The following HS1BP3 variants were observed in gnomAD, a reference collection of about 807,000 sequenced individuals.
The protein encoded by HS1BP3 is HCLS1 binding protein 3.
In HS1BP3, 32 loss-of-function variants were observed where a neutral mutation model predicts 33.5. That is an observed-to-expected ratio of 0.95 (90% CI 0.72 to 1.28). HS1BP3 has a LOEUF of 1.28. HS1BP3 is among the 50% of genes most tolerant of loss of function. The pLI, the probability that HS1BP3 is intolerant of heterozygous loss-of-function variation, is 0.00. For missense variants in HS1BP3, 486 were observed against 502.3 expected, an observed-to-expected ratio of 0.97 and a Z score of 0.31; for synonymous variants, 187 against 209.2, an observed-to-expected ratio of 0.89 and a Z score of 0.92.
At chr2:20,581,303 T>C (rs1268510118) in intron 5 of HS1BP3, among the ~76,000 whole-genome samples, 3 of 152,236 alleles carry the variant, frequency 2.0e-5, no homozygotes, top group Non-Finnish European at 4.4e-5. Context: ...ACATTAAAAA[T>C]TACCACAAAC....
intron 3 of HS1BP3, among the ~76,000 whole-genome samples, chr2:20,597,031 CTAATCCCTCCTTAAAA>C (rs2149281286): frequency 6.6e-6 from 1 of 152,358 alleles, no homozygotes; most frequent in Admixed American, 6.5e-5. Context: ...GGAGTCATCT[CTAATCCCTCCTTAAAA>C]GGGAGGCCCA....
In HS1BP3 at chr2:20,633,818, C is replaced by T. The variant is rs370128804; in HGVS notation, c.623+4618G>A. On this transcript the variant is annotated intron_variant, in intron 4 of 6. Transcript: ENST00000304031. ...GATTACAGGCGTGAGCTGCTGCGTCCGGCCACGGCAGTAATCTGGATGGGG... is the reference window on the plus strand; with the variant it reads ...GATTACAGGCGTGAGCTGCTGCGTCTGGCCACGGCAGTAATCTGGATGGGG... Among the ~76,000 whole-genome samples, 71 of 152,364 alleles carry T rather than the reference C, an allele frequency of 4.7e-4. No homozygotes were observed. The South Asian group carries it at 0.013, about 28-fold the overall frequency.
chr2:20,601,211 G>C (rs1038402394), intron 2 of HS1BP3, among the ~76,000 whole-genome samples: 4 of 152,208 alleles, frequency 2.6e-5, no homozygotes, highest in Non-Finnish European at 4.4e-5. Flanking sequence ...AGAAGAGTTT[G>C]TATCTGCACT....
downstream of HS1BP3, among the ~76,000 whole-genome samples, chr2:20,613,184 A>T (rs1377391366): frequency 1.3e-5 from 2 of 152,338 alleles, no homozygotes; most frequent in East Asian, 3.9e-4. Flanking sequence ...GTTAGGGGAA[A>T]ATCAGCAAAG....
At chr2:20,600,442 A>G (rs1003251476) in intron 2 of HS1BP3, among the ~76,000 whole-genome samples, 3 of 152,192 alleles carry the variant, frequency 2.0e-5, no homozygotes, top group African/African-American at 7.2e-5. Context: ...AGTCACAGAG[A>G]ACCCAGCAAA....
chr2:20,561,640 T>A (rs1693000263), intron 5 of HS1BP3, among the ~76,000 whole-genome samples: 1 of 152,212 alleles, frequency 6.6e-6, no homozygotes, highest in Non-Finnish European at 1.5e-5. Context: ...CATTTTATTG[T>A]GGCCAAATGG....
chr2:20,618,745 G>A lies in HS1BP3; in HGVS notation c.*242C>T. 1 of 1,339,142 alleles carries A rather than the reference G, an allele frequency of 7.5e-7. No homozygotes were observed. The highest frequency in any genetic ancestry group is 9.5e-7 in the Non-Finnish European group (1 of 1,047,890). The allele number at this position is 1,339,142 out of a possible 1,614,324, so 83.0% of individuals were successfully genotyped here. A position where few individuals can be genotyped will look rare whatever the true frequency, so the allele number is the denominator to read the frequency against. ...CCTCCCTCCCCTTCATGTCCACGGG[G>A]AATAAGACACATTGGGCTCTGGCTC... On this transcript the variant is annotated 3_prime_UTR_variant, in exon 7 of 7. Coordinates refer to ENST00000304031, the MANE Select transcript of HS1BP3 (RefSeq NM_022460.4).
At chr2:20,595,975 C>T (rs1306987499) in intron 3 of HS1BP3, among the ~76,000 whole-genome samples, 1 of 152,188 alleles carries the variant, frequency 6.6e-6, no homozygotes, top group Admixed American at 6.5e-5. Context: ...GACCTTAGTT[C>T]AAAGGTGATC....
downstream of HS1BP3, among the ~76,000 whole-genome samples, chr2:20,558,377 G>C (rs1692892151): frequency 1.3e-5 from 2 of 152,132 alleles, no homozygotes; most frequent in Admixed American, 1.3e-4. Context: ...TTGGACACCT[G>C]GTACTTTTGT....
chr2:20,648,434 C>T (rs999247600), intron 1 of HS1BP3, among the ~76,000 whole-genome samples: 9 of 152,200 alleles, frequency 5.9e-5, no homozygotes, highest in African/African-American at 2.2e-4. Flanking sequence ...CATTTCTCCT[C>T]TGGTCTGACT....
At position 20,580,121 on chromosome 2, in the gene HS1BP3, G is replaced by C. The variant is rs561780021; in HGVS notation, c.303-19606C>G. Among the ~76,000 whole-genome samples, 26 of 152,374 alleles carry C rather than the reference G, an allele frequency of 1.7e-4. No individual in the cohort carries two copies. The South Asian group carries it at 3.3e-3, about 19-fold the overall frequency. ...CCAAGGGGGCAAGGACTGGAGCAGA[G>C]GGCACACAGCCTAGTGGCTAAGCTG... is the stretch of plus-strand genomic sequence containing the variant. On this transcript the variant is annotated intron_variant, in intron 5 of 5. Coordinates refer to the HS1BP3 transcript ENST00000446825.
At chr2:20,597,887 A>G (rs1016485676) in intron 3 of HS1BP3, among the ~76,000 whole-genome samples, 3 of 152,042 alleles carry the variant, frequency 2.0e-5, no homozygotes, top group African/African-American at 7.2e-5. Flanking sequence ...CTGGGCTGTG[A>G]TGAGAGGGCC....
intron 5 of HS1BP3, 48 bp downstream of exon 5, chr2:20,624,684 G>T: frequency 1.3e-6 from 2 of 1,527,178 alleles, no homozygotes; most frequent in South Asian, 2.5e-5. Context: ...TGGTGATGGG[G>T]CTGGGCACCG....
chr2:20,599,613 C>CAT (rs778884273), intron 2 of HS1BP3, among the ~76,000 whole-genome samples: 1 of 106,534 alleles, frequency 9.4e-6, no homozygotes, highest in Admixed American at 8.3e-5. Flanking sequence ...TTGTGTAACA[C>CAT]ACACACACAC....
chr2:20,644,775 C>T (rs554499206), intron 2 of HS1BP3, among the ~76,000 whole-genome samples: 2 of 152,266 alleles, frequency 1.3e-5, no homozygotes, highest in Admixed American at 1.3e-4. Context: ...AAAGGGTCCA[C>T]GTCACTCCCC....
downstream of HS1BP3, among the ~76,000 whole-genome samples, chr2:20,617,428 G>C (rs34405290): frequency 0.23 from 35,610 of 152,114 alleles, 4,932 homozygotes; most frequent in Non-Finnish European, 0.32. Flanking sequence ...GAGGGAGTCA[G>C]CTCTCGACCC....
At chr2:20,622,617 G>A (rs1247002692) in intron 6 of HS1BP3, 2 of 290,144 alleles carry the variant, frequency 6.9e-6, no homozygotes, top group Non-Finnish European at 1.4e-5. Context: ...GCAGAACACA[G>A]GTTGGGAAGT....
chr2:20,600,316 G>A (rs1694043441), intron 2 of HS1BP3, among the ~76,000 whole-genome samples: 2 of 152,286 alleles, frequency 1.3e-5, no homozygotes, highest in South Asian at 2.1e-4. Context: ...TCCACTGAGG[G>A]CGAGGTTGGC....
downstream of HS1BP3, among the ~76,000 whole-genome samples, chr2:20,614,811 G>A (rs1694388341): frequency 6.6e-6 from 1 of 152,378 alleles, no homozygotes; most frequent in South Asian, 2.1e-4. Context: ...GCCACATGCT[G>A]AGCCCATAAT....
Sources: allele counts gnomAD v4.1 joint callset (sites outside exome capture counted in the v4.1 genomes callset), GRCh38; gene constraint gnomAD v4.1.1; transcripts MANE v1.5; gene names NCBI Gene and HGNC (gene_info 2026-07-23, HGNC 2026-07-21).